CDH8: variants seen among roughly 807,000 people sequenced by gnomAD.
CDH8 encodes the protein cadherin-8.
In CDH8, 17 loss-of-function variants were observed where a neutral mutation model predicts 68.1. The ratio of observed to expected loss-of-function variants is 0.25; its 90% CI spans 0.17 to 0.37. The LOEUF is 0.37. Among genes scored for constraint, CDH8 ranks in the 10% least tolerant of loss-of-function variants. The pLI is 1.00. For synonymous variants in CDH8, 372 were observed against 365.1 expected (o/e 1.02, Z -0.21); for missense variants, 763 against 999.3 (o/e 0.76, Z 3.19).
chr16:61,747,651 C>T (rs1216773155), intron 8 of CDH8, among the ~76,000 whole-genome samples: 1 of 151,750 alleles, frequency 6.6e-6, no homozygotes, highest in Non-Finnish European at 1.5e-5. Flanking sequence ...AAAAGAAAAA[C>T]CTGCTAGAGG....
At chr16:61,683,868 C>T (rs1313162287) in intron 10 of CDH8, among the ~76,000 whole-genome samples, 3 of 151,898 alleles carry the variant, frequency 2.0e-5, no homozygotes, top group African/African-American at 4.8e-5. Context: ...TTTGGTATTT[C>T]TAGAAAGGCC....
At chr16:61,822,584 G>A (rs1050625419) in intron 5 of CDH8, among the ~76,000 whole-genome samples, 20 of 151,822 alleles carry the variant, frequency 1.3e-4, no homozygotes, top group African/African-American at 4.6e-4. Context: ...TTAACAATGG[G>A]ATAAAAACAT....
intron 4 of CDH8, among the ~76,000 whole-genome samples, chr16:61,832,367 G>GATAC (rs879427179): frequency 1.5e-4 from 22 of 151,420 alleles, no homozygotes; most frequent in Admixed American, 3.3e-4. Context: ...TAGATAGATA[G>GATAC]ATAGATAGAT....
At chr16:61,941,604 C>G (rs1336453577) in intron 2 of CDH8, among the ~76,000 whole-genome samples, 4 of 152,180 alleles carry the variant, frequency 2.6e-5, no homozygotes, top group Non-Finnish European at 5.9e-5. Flanking sequence ...CATGTGCCAC[C>G]AAACCCGGAT....
At chr16:62,003,382 A>C (rs138051724) in intron 2 of CDH8, among the ~76,000 whole-genome samples, 1 of 152,234 alleles carries the variant, frequency 6.6e-6, no homozygotes, top group Non-Finnish European at 1.5e-5. Flanking sequence ...TTATTGCAAC[A>C]TAGTACTTTT....
chr16:61,737,014 G>A (rs983020042), intron 8 of CDH8, among the ~76,000 whole-genome samples: 2 of 152,148 alleles, frequency 1.3e-5, no homozygotes, highest in African/African-American at 4.8e-5. Context: ...GGCTGAAATA[G>A]CATCTGGTAT....
intron 3 of CDH8, among the ~76,000 whole-genome samples, chr16:61,874,014 C>T (rs1215013122): frequency 1.3e-5 from 2 of 152,150 alleles, no homozygotes; most frequent in East Asian, 3.9e-4. Context: ...CAAGATCACA[C>T]CATTGCTCTC....
intron 2 of CDH8, among the ~76,000 whole-genome samples, chr16:61,902,874 T>C (rs1317371329): frequency 6.6e-6 from 1 of 152,224 alleles, no homozygotes; most frequent in Non-Finnish European, 1.5e-5. Context: ...TCATTTATTG[T>C]ATAAAATGTA....
intron 3 of CDH8, among the ~76,000 whole-genome samples, chr16:61,886,341 T>C (rs905890251): frequency 6.6e-6 from 1 of 152,210 alleles, no homozygotes; most frequent in Non-Finnish European, 1.5e-5. Flanking sequence ...ATATTTGTTA[T>C]CTTTACACAC....
chr16:61,826,091 C>T (rs780646686), intron 4 of CDH8, among the ~76,000 whole-genome samples: 13 of 151,632 alleles, frequency 8.6e-5, no homozygotes, highest in Non-Finnish European at 1.9e-4. Context: ...AATTATAAGG[C>T]CATGATATGT....
At chr16:61,969,529 G>A (rs919576723) in intron 2 of CDH8, among the ~76,000 whole-genome samples, 5 of 152,116 alleles carry the variant, frequency 3.3e-5, no homozygotes, top group Admixed American at 3.3e-4. Context: ...GACTATTTCG[G>A]TCAGTATCAG....
intron 2 of CDH8, among the ~76,000 whole-genome samples, chr16:62,003,878 T>G (rs1965932843): frequency 6.6e-6 from 1 of 152,230 alleles, no homozygotes; most frequent in Admixed American, 6.5e-5. Context: ...AGATATACTT[T>G]CCTCTATGCC....
intron 2 of CDH8, among the ~76,000 whole-genome samples, chr16:61,966,981 G>A (rs1030474962): frequency 6.6e-6 from 1 of 152,116 alleles, no homozygotes; most frequent in Non-Finnish European, 1.5e-5. Context: ...AACACGGGAG[G>A]ACACCTGAGG....
chr16:61,826,528 T>C (rs1962339436), intron 4 of CDH8, among the ~76,000 whole-genome samples: 1 of 151,894 alleles, frequency 6.6e-6, no homozygotes, highest in South Asian at 2.1e-4. Context: ...AAAAGGAAAA[T>C]GTCCAGATTA....
intron 5 of CDH8, among the ~76,000 whole-genome samples, chr16:61,824,233 A>T (rs959551258): frequency 1.4e-4 from 21 of 151,952 alleles, no homozygotes; most frequent in African/African-American, 5.1e-4. Flanking sequence ...TAATAATAAT[A>T]ATAATAAGTA....
At chr16:61,745,595 C>CA (rs565156366) in intron 8 of CDH8, among the ~76,000 whole-genome samples, 1 of 140,046 alleles carries the variant, frequency 7.1e-6, no homozygotes, top group Non-Finnish European at 1.6e-5. Flanking sequence ...TCTTTTCTTT[C>CA]TTTTTTTTTT....
chr16:61,911,194 GGATA>G (rs1037590547), intron 2 of CDH8, among the ~76,000 whole-genome samples: 33 of 152,114 alleles, frequency 2.2e-4, no homozygotes, highest in African/African-American at 7.7e-4. Context: ...ATGAATGGAT[GGATA>G]GATAGATGGA....
At chr16:61,687,567 A>G (rs1448515547) in intron 10 of CDH8, among the ~76,000 whole-genome samples, 1 of 152,016 alleles carries the variant, frequency 6.6e-6, no homozygotes, top group African/African-American at 2.4e-5. Context: ...AATATACTAC[A>G]AGATGATACT....
At chr16:61,803,013 G>C (rs1961695244) in intron 7 of CDH8, among the ~76,000 whole-genome samples, 1 of 66,120 alleles carries the variant, frequency 1.5e-5, no homozygotes, top group African/African-American at 1.0e-4. Context: ...ACACATAATT[G>C]TCAGATTCAC....
Sources: allele counts gnomAD v4.1 joint callset (sites outside exome capture counted in the v4.1 genomes callset), GRCh38; gene constraint gnomAD v4.1.1; transcripts MANE v1.5; gene names NCBI Gene and HGNC (gene_info 2026-07-23, HGNC 2026-07-21).